Variants in LIMCH1 observed in about 807,000 individuals in gnomAD.
The protein encoded by LIMCH1 is LIM and calponin homology domains 1, also known as LIM and calponin homology domains-containing protein 1.
A neutral mutation model predicts 176.5 loss-of-function variants in LIMCH1; 113 were observed. The ratio of observed to expected loss-of-function variants is 0.64; its 90% CI spans 0.55 to 0.75. The LOEUF (loss-of-function observed/expected upper bound fraction) is 0.75. LIMCH1 is among the 30% of genes least tolerant of loss of function. LIMCH1 has a pLI of 0.00. For missense variants in LIMCH1, 1,674 were observed against 1,814.9 expected (o/e 0.92, Z 1.41); for synonymous variants, 619 against 645.9 (o/e 0.96, Z 0.63).
intron 1 of LIMCH1, among the ~76,000 whole-genome samples, chr4:41,559,341 C>T (rs757418148): frequency 6.6e-6 from 1 of 151,974 alleles, no homozygotes; most frequent in African/African-American, 2.4e-5. Context: ...AGAAGGGTGC[C>T]TCCTCCCTGT....
At chr4:41,673,823 TG>T (rs1314060355) in intron 22 of LIMCH1, among the ~76,000 whole-genome samples, 1 of 152,206 alleles carries the variant, frequency 6.6e-6, no homozygotes, top group Admixed American at 6.5e-5. Context: ...ACAGGTAAAT[TG>T]TAGGACAAAG....
chr4:41,375,661 G>A (rs551743158), intron 1 of LIMCH1, among the ~76,000 whole-genome samples: 1 of 152,370 alleles, frequency 6.6e-6, no homozygotes, highest in South Asian at 2.1e-4. Context: ...GGTCCAGGGG[G>A]TGTGCAGCTC....
chr4:41,486,977 TACACACAC>T (rs71927545), intron 1 of LIMCH1, among the ~76,000 whole-genome samples: 2 of 138,402 alleles, frequency 1.4e-5, no homozygotes, highest in East Asian at 2.0e-4. Flanking sequence ...CACACATACA[TACACACAC>T]ACACACACAC....
intron 7 of LIMCH1, 151 bp from the exon 8 acceptor site, chr4:41,626,557 C>T: frequency 1.5e-6 from 1 of 681,240 alleles, no homozygotes; most frequent in Non-Finnish European, 2.4e-6. Context: ...AACTATGCTG[C>T]AATTCTAGAC....
chr4:41,418,324 T>C (rs2154128461), intron 1 of LIMCH1, among the ~76,000 whole-genome samples: 1 of 152,344 alleles, frequency 6.6e-6, no homozygotes, highest in African/African-American at 2.4e-5. Context: ...AAATTTTAAT[T>C]ACATCTGCGT....
At chr4:41,442,494 A>C (rs941374798) in intron 1 of LIMCH1, among the ~76,000 whole-genome samples, 6 of 152,200 alleles carry the variant, frequency 3.9e-5, no homozygotes, top group Non-Finnish European at 8.8e-5. Context: ...TTCATGGAGC[A>C]AATGGATGAA....
upstream of LIMCH1, among the ~76,000 whole-genome samples, chr4:41,536,250 G>A (rs1481065153): frequency 2.0e-5 from 3 of 152,176 alleles, no homozygotes; most frequent in South Asian, 2.1e-4. Context: ...ATGAGACCAT[G>A]CTAGGCTGAA....
chr4:41,619,111 T>A, intron 5 of LIMCH1, 77 bp from the exon 6 acceptor site: 1 of 1,516,986 alleles, frequency 6.6e-7, no homozygotes, highest in Non-Finnish European at 9.1e-7. Flanking sequence ...TTGAACCACA[T>A]CCCTAATGCA....
At chr4:41,595,357 C>T (rs35287564) in intron 1 of LIMCH1, among the ~76,000 whole-genome samples, 5,875 of 152,012 alleles carry the variant, frequency 0.039, 134 homozygotes, top group Admixed American at 0.064. Context: ...TTTGGAGAGG[C>T]GGGAAAAGGA....
chr4:41,515,379 G>C (rs956510727), intron 2 of LIMCH1, among the ~76,000 whole-genome samples: 7 of 152,200 alleles, frequency 4.6e-5, no homozygotes, highest in African/African-American at 1.2e-4. Context: ...GCATTGTCTC[G>C]TTCCCTCACT....
chr4:41,679,963 T>C, intron 23 of LIMCH1, 43 bp from the exon 24 acceptor site: 1 of 1,343,772 alleles, frequency 7.4e-7, no homozygotes, highest in South Asian at 1.2e-5. Context: ...CGATGACGTA[T>C]GCAATGGTCA....
rs539044585 is a variant in LIMCH1, at chr4:41,489,919, G to A, written c.97-4617G>A. ...TAGTCAATTAACAAATATTGTATAT[G>A]TCATATATATTATATACTGTACTCT... On this transcript the variant is annotated intron_variant, in intron 1 of 26. Transcript: ENST00000313860. Among the ~76,000 whole-genome samples the A allele has an allele frequency of 3.3e-5, 5 of 152,140 alleles. 1 individual carries two copies. The highest frequency in any genetic ancestry group is 1.2e-4 in the African/African-American group (5 of 41,514).
rs759918142 is a variant in LIMCH1, at chr4:41,685,841, A to G, written c.4088+11A>G. On this transcript the variant is annotated intron_variant, in intron 28 of 31. Coordinates refer to ENST00000503057, the MANE Select transcript of LIMCH1 (RefSeq NM_001330672.2). ...CAGTGAAAGGCGGAAGTGAGTAACCAGACACGATGGTTGTGGGATTCCCTT... is the reference window on the plus strand; with the variant it reads ...CAGTGAAAGGCGGAAGTGAGTAACCGGACACGATGGTTGTGGGATTCCCTT... The G allele has an allele frequency of 6.8e-6, 11 of 1,609,682 alleles. No homozygotes were observed. The South Asian group carries it at 1.1e-4, about 16-fold the overall frequency.
chr4:41,553,515 T>C (rs972992007), intron 1 of LIMCH1, among the ~76,000 whole-genome samples: 2 of 151,986 alleles, frequency 1.3e-5, no homozygotes, highest in African/African-American at 4.8e-5. Flanking sequence ...ACTAGACCAG[T>C]GGATGAGGTA....
chr4:41,441,821 A>C (rs956219421), intron 1 of LIMCH1, among the ~76,000 whole-genome samples: 1 of 152,220 alleles, frequency 6.6e-6, no homozygotes, highest in Non-Finnish European at 1.5e-5. Flanking sequence ...GTTTGCTAGT[A>C]TAAACTAATA....
intron 1 of LIMCH1, among the ~76,000 whole-genome samples, chr4:41,548,519 C>T (rs1374245953): frequency 6.6e-6 from 1 of 152,156 alleles, no homozygotes; most frequent in Admixed American, 6.5e-5. Context: ...TGATTAATGA[C>T]ACCATCAACT....
chr4:41,479,279 A>G (rs2068200192), intron 1 of LIMCH1, among the ~76,000 whole-genome samples: 1 of 152,182 alleles, frequency 6.6e-6, no homozygotes, highest in South Asian at 2.1e-4. Flanking sequence ...TCAAAATAGT[A>G]TTTCACTTGG....
At chr4:41,642,666 C>A (rs1207370489) in intron 14 of LIMCH1, among the ~76,000 whole-genome samples, 2 of 151,980 alleles carry the variant, frequency 1.3e-5, no homozygotes, top group African/African-American at 4.8e-5. Flanking sequence ...TCAAGCCATC[C>A]TCCTGCCTCA....
In LIMCH1 at chr4:41,644,652, C is replaced by T. The variant is rs758810055; in HGVS notation, c.2253+26C>T. The T allele has an allele frequency of 1.8e-5, 28 of 1,588,152 alleles. No homozygotes were observed. The South Asian group carries it at 3.2e-4, about 18-fold the overall frequency. On this transcript the variant is annotated intron_variant, in intron 15 of 31. Transcript: ENST00000503057. ...GTGAGTTGTGGCCAAGGCGCGCGGG[C>T]AGCGGGGAGGCTTCTGGCAGCAGAA...
Sources: gnomAD v4.1 joint callset for allele counts (sites outside exome capture counted in the v4.1 genomes callset) on GRCh38, gnomAD v4.1.1 for gene constraint, MANE v1.5 for transcripts, NCBI Gene and HGNC (gene_info 2026-07-23, HGNC 2026-07-21) for gene names.